NEGR1: variants seen among roughly 807,000 people sequenced by gnomAD.
The protein encoded by NEGR1 is neuronal growth regulator 1, also known as IgLON family member 4.
A neutral mutation model predicts 40.9 loss-of-function variants in NEGR1; 10 were observed. The observed-to-expected ratio is 0.24, with a 90% CI of 0.15 to 0.42. NEGR1 has a LOEUF of 0.42. Ranked by LOEUF, NEGR1 falls within the 10% of genes least tolerant of loss-of-function variation. NEGR1 has a pLI of 1.00. For missense variants in NEGR1, 352 were observed against 438.9 expected, an observed-to-expected ratio of 0.80 and a Z score of 1.77; for synonymous variants, 185 against 166.8, an observed-to-expected ratio of 1.11 and a Z score of -0.84.
chr1:71,720,309 A>C (rs1446937239), intron 3 of NEGR1, among the ~76,000 whole-genome samples: 1 of 152,182 alleles, frequency 6.6e-6, no homozygotes, highest in Non-Finnish European at 1.5e-5. Context: ...CACACAAAAA[A>C]AGTAAAAGGA....
chr1:72,060,763 T>G (rs1647160290), intron 1 of NEGR1, among the ~76,000 whole-genome samples: 1 of 151,666 alleles, frequency 6.6e-6, no homozygotes, highest in Non-Finnish European at 1.5e-5. Flanking sequence ...GATGGATACA[T>G]TAGTGTCATC....
chr1:72,079,613 A>C (rs1045400838), intron 1 of NEGR1, among the ~76,000 whole-genome samples: 1 of 152,114 alleles, frequency 6.6e-6, no homozygotes, highest in African/African-American at 2.4e-5. Context: ...ATGAACACAA[A>C]TATAGGTAAG....
intron 1 of NEGR1, among the ~76,000 whole-genome samples, chr1:72,117,293 TTTTGTTTG>T (rs142892388): frequency 8.4e-4 from 128 of 151,870 alleles, no homozygotes; most frequent in Non-Finnish European, 1.5e-3. Context: ...GTTTATGCAT[TTTTGTTTG>T]TTTGTTTGTT....
intron 6 of NEGR1, among the ~76,000 whole-genome samples, chr1:71,499,582 G>A (rs1007435972): frequency 1.3e-5 from 2 of 150,802 alleles, no homozygotes; most frequent in African/African-American, 2.4e-5. Context: ...ATGTGACAAA[G>A]AACACAAAGT....
chr1:72,121,569 A>G (rs1039894356), intron 1 of NEGR1, among the ~76,000 whole-genome samples: 5 of 152,034 alleles, frequency 3.3e-5, no homozygotes, highest in African/African-American at 7.2e-5. Flanking sequence ...ATGTCAGCAG[A>G]CAAAGTAGAA....
intron 6 of NEGR1, among the ~76,000 whole-genome samples, chr1:71,524,675 ATT>A (rs931586567): frequency 6.6e-6 from 1 of 151,718 alleles, no homozygotes; most frequent in Non-Finnish European, 1.5e-5. Context: ...CTGGGAATTT[ATT>A]ACATTATGTA....
At chr1:72,043,633 T>A (rs538634618) in intron 1 of NEGR1, among the ~76,000 whole-genome samples, 1 of 151,962 alleles carries the variant, frequency 6.6e-6, no homozygotes, top group Non-Finnish European at 1.5e-5. Flanking sequence ...AAAGCTAGCA[T>A]AACTGTGTTG....
intron 4 of NEGR1, among the ~76,000 whole-genome samples, chr1:71,626,866 C>CA (rs1459207190): frequency 3.0e-4 from 46 of 152,210 alleles, no homozygotes; most frequent in African/African-American, 1.1e-3. Context: ...CAAAAGAAGA[C>CA]TTTATGCAGC....
intron 4 of NEGR1, among the ~76,000 whole-genome samples, chr1:71,638,190 A>G (rs1281562042): frequency 6.6e-6 from 1 of 152,066 alleles, no homozygotes; most frequent in East Asian, 1.9e-4. Flanking sequence ...TATTATTTTC[A>G]TCTCAATTGT....
intron 2 of NEGR1, among the ~76,000 whole-genome samples, chr1:71,793,910 A>C (rs1657221821): frequency 6.6e-6 from 1 of 152,168 alleles, no homozygotes; most frequent in African/African-American, 2.4e-5. Flanking sequence ...GTGACTAAAA[A>C]GATACAACAA....
chr1:72,205,845 A>C (rs1194531890), intron 1 of NEGR1, among the ~76,000 whole-genome samples: 8 of 150,412 alleles, frequency 5.3e-5, no homozygotes, highest in Admixed American at 2.0e-4. Flanking sequence ...CAGGAGGCCA[A>C]GTTGGGAGGA....
intron 1 of NEGR1, among the ~76,000 whole-genome samples, chr1:72,085,405 A>G (rs1432100950): frequency 6.6e-6 from 1 of 152,198 alleles, no homozygotes; most frequent in East Asian, 1.9e-4. Flanking sequence ...TTGTTATCAT[A>G]GCCAATTATT....
At chr1:72,223,752 A>G (rs1353777758) in intron 1 of NEGR1, among the ~76,000 whole-genome samples, 1 of 152,086 alleles carries the variant, frequency 6.6e-6, no homozygotes. Flanking sequence ...TCGGTGATCA[A>G]ATAACGCTTA....
chr1:72,068,546 A>T (rs1326408127), intron 1 of NEGR1, among the ~76,000 whole-genome samples: 2 of 152,126 alleles, frequency 1.3e-5, no homozygotes, highest in African/African-American at 2.4e-5. Flanking sequence ...TGTTTAGGTA[A>T]CATTATGTGG....
intron 4 of NEGR1, among the ~76,000 whole-genome samples, chr1:71,664,329 A>C (rs943287484): frequency 1.3e-5 from 2 of 152,192 alleles, no homozygotes; most frequent in African/African-American, 4.8e-5. Flanking sequence ...GTTTGCCAGA[A>C]GATTCTGATG....
At chr1:72,195,892 A>C (rs1053603457) in intron 1 of NEGR1, among the ~76,000 whole-genome samples, 5 of 152,018 alleles carry the variant, frequency 3.3e-5, no homozygotes, top group African/African-American at 1.2e-4. Flanking sequence ...TACTGATGTA[A>C]GTTTGGGGAA....
At chr1:71,776,709 TC>T (rs762321261) in intron 2 of NEGR1, among the ~76,000 whole-genome samples, 1 of 152,178 alleles carries the variant, frequency 6.6e-6, no homozygotes, top group Non-Finnish European at 1.5e-5. Flanking sequence ...GAATGGTTAT[TC>T]CTACATACTG....
At chr1:71,811,854 AT>A in intron 2 of NEGR1, among the ~76,000 whole-genome samples, 1 of 136,904 alleles carries the variant, frequency 7.3e-6, no homozygotes, top group Admixed American at 7.0e-5. Flanking sequence ...CCAAAGTTCT[AT>A]TTATTTATTT....
chr1:71,810,722 T>G (rs1039510268), intron 2 of NEGR1, among the ~76,000 whole-genome samples: 1 of 151,976 alleles, frequency 6.6e-6, no homozygotes, highest in African/African-American at 2.4e-5. Flanking sequence ...TCTGGTTGTT[T>G]AAAAGTGTGT....
Sources: allele counts gnomAD v4.1 joint callset (sites outside exome capture counted in the v4.1 genomes callset), GRCh38; gene constraint gnomAD v4.1.1; transcripts MANE v1.5; gene names NCBI Gene and HGNC (gene_info 2026-07-23, HGNC 2026-07-21).